The following P4HA1 variants were observed in gnomAD, a reference collection of about 807,000 sequenced individuals.
The protein encoded by P4HA1 is prolyl 4-hydroxylase subunit alpha-1.
In P4HA1, 24 loss-of-function variants were observed where a neutral mutation model predicts 72.8. The ratio of observed to expected loss-of-function variants is 0.33; its 90% confidence interval spans 0.24 to 0.46. The LOEUF is 0.46. Among genes scored for constraint, P4HA1 ranks in the 20% least tolerant of loss-of-function variants. The probability of loss-of-function intolerance (pLI) is 1.00; values close to 1 mark genes in which losing one functional copy is unlikely to be tolerated. For missense variants in P4HA1, 446 were observed against 640.6 expected (o/e 0.70, Z 3.28); for synonymous variants, 201 against 218.8 (o/e 0.92, Z 0.72).
chr10:73,069,816 T>G (rs545226537), intron 4 of P4HA1, among the ~76,000 whole-genome samples: 12 of 151,822 alleles, frequency 7.9e-5, no homozygotes, highest in East Asian at 3.9e-4. Context: ...GTTTTGTTTT[T>G]TTTTTTTTGA....
chr10:73,081,173 T>C (rs1321539497), intron 1 of P4HA1, among the ~76,000 whole-genome samples: 1 of 152,100 alleles, frequency 6.6e-6, no homozygotes, highest in Admixed American at 6.6e-5. Context: ...AAAGAAAGAC[T>C]AATCTCAGAT....
At chr10:73,081,810 G>A (rs546151917) in intron 1 of P4HA1, among the ~76,000 whole-genome samples, 64 of 152,276 alleles carry the variant, frequency 4.2e-4, no homozygotes, top group Admixed American at 1.2e-3. Context: ...GGAGGCTGGC[G>A]GATCACGAGG....
chr10:73,009,095 G>A (rs1839855921), intron 14 of P4HA1, among the ~76,000 whole-genome samples: 1 of 152,080 alleles, frequency 6.6e-6, no homozygotes, highest in Non-Finnish European at 1.5e-5. Context: ...TTCTAGTCCA[G>A]TGGTTCTTAA....
At chr10:73,037,548 TATATATATATATATATATATA>T (rs1444386065) in intron 9 of P4HA1, among the ~76,000 whole-genome samples, 4 of 28,836 alleles carry the variant, frequency 1.4e-4, no homozygotes, top group Non-Finnish European at 2.5e-4. Context: ...TATATATATA[TATATATATATATATATATATA>T]TATTTTTTTT....
At chr10:73,011,453 C>A (rs1443773562) in intron 12 of P4HA1, among the ~76,000 whole-genome samples, 1 of 151,930 alleles carries the variant, frequency 6.6e-6, no homozygotes, top group Non-Finnish European at 1.5e-5. Flanking sequence ...ATGTCTAGAA[C>A]AATAGTACCT....
intron 10 of P4HA1, among the ~76,000 whole-genome samples, chr10:73,028,937 T>C (rs1840365433): frequency 6.6e-6 from 1 of 151,392 alleles, no homozygotes; most frequent in Non-Finnish European, 1.5e-5. Context: ...CCCAGCTACC[T>C]GGGAGGCTGA....
chr10:73,094,355 C>T (rs938367887), intron 1 of P4HA1, among the ~76,000 whole-genome samples: 2 of 152,080 alleles, frequency 1.3e-5, no homozygotes, highest in African/African-American at 4.8e-5. Context: ...ACATCTCTTA[C>T]TTTTTAGGGG....
intron 1 of P4HA1, among the ~76,000 whole-genome samples, chr10:73,079,795 A>G (rs1240879801): frequency 6.6e-6 from 1 of 152,110 alleles, no homozygotes; most frequent in Non-Finnish European, 1.5e-5. Context: ...GATACTTTGA[A>G]AGCAACCCTA....
At position 73,009,892 on chromosome 10, in the gene P4HA1, A is replaced by G; in HGVS notation, c.1449T>C (p.Val483=). Residue 483 remains valine (V), a synonymous_variant, in exon 14 of 15, where the codon GTT becomes GTC. Transcript: ENST00000394890. ...CACTGGCAAACAGATTATACCAGAA[A>G]ACAGCAGTTCCCTATGGAGAACAAT... ...ASVWPKKGTA[V]FWYNLFASGE... 2 of 1,595,090 alleles carry G rather than the reference A, an allele frequency of 1.3e-6. No homozygotes were observed. Among genetic ancestry groups the G allele is most frequent in the Non-Finnish European group, 1.7e-6 (2 of 1,162,672 alleles).
chr10:73,017,168 GATGTATATATAGATATCT>G (rs1840025008), intron 10 of P4HA1, among the ~76,000 whole-genome samples: 1 of 133,512 alleles, frequency 7.5e-6, no homozygotes, highest in Admixed American at 7.0e-5. Context: ...TATATCTACA[GATGTATATATAGATATCT>G]ATATCTACAG....
intron 9 of P4HA1, among the ~76,000 whole-genome samples, chr10:73,031,958 GTC>G (rs1207234666): frequency 6.6e-6 from 1 of 152,048 alleles, no homozygotes; most frequent in African/African-American, 2.4e-5. Flanking sequence ...AAACTCAACT[GTC>G]TGGCAAAAAC....
intron 5 of P4HA1, among the ~76,000 whole-genome samples, chr10:73,067,693 C>G (rs1407444509): frequency 6.6e-6 from 1 of 152,182 alleles, no homozygotes; most frequent in Non-Finnish European, 1.5e-5. Context: ...CCCTCTCCCC[C>G]ATTTTTCTGG....
At chr10:73,053,178 C>T (rs746404043) in intron 6 of P4HA1, among the ~76,000 whole-genome samples, 173 bp downstream of exon 6, 9 of 152,214 alleles carry the variant, frequency 5.9e-5, no homozygotes, top group Middle Eastern at 3.4e-3. Context: ...TGAGAAAAAT[C>T]AGCCATCATT....
At chr10:73,057,555 G>A (rs537162232) in intron 5 of P4HA1, among the ~76,000 whole-genome samples, 5 of 152,106 alleles carry the variant, frequency 3.3e-5, no homozygotes, top group African/African-American at 1.2e-4. Context: ...TGTCTACTTG[G>A]AATTCTAGAA....
At chr10:73,091,139 T>A (rs1228415784) in intron 1 of P4HA1, among the ~76,000 whole-genome samples, 4 of 150,778 alleles carry the variant, frequency 2.7e-5, no homozygotes, top group Non-Finnish European at 5.9e-5. Context: ...ATGTAACCTT[T>A]GACTATGAAT....
intron 9 of P4HA1, among the ~76,000 whole-genome samples, chr10:73,037,553 ATATATATATATATATATATTT>A (rs1221984211): frequency 9.3e-5 from 3 of 32,196 alleles, no homozygotes; most frequent in East Asian, 1.1e-3. Context: ...ATATATATAT[ATATATATATATATATATATTT>A]TTTTTTTTTT....
At chr10:73,048,910 G>A (rs994870713) in intron 7 of P4HA1, among the ~76,000 whole-genome samples, 3 of 152,066 alleles carry the variant, frequency 2.0e-5, no homozygotes, top group South Asian at 2.1e-4. Flanking sequence ...CGAGGCAGGC[G>A]GATCACGAGG....
chr10:73,091,517 C>A (rs983808338), intron 1 of P4HA1, among the ~76,000 whole-genome samples: 2 of 152,130 alleles, frequency 1.3e-5, no homozygotes, highest in African/African-American at 4.8e-5. Flanking sequence ...ATATGCAAAT[C>A]TAGTTAATAT....
At chr10:73,043,805 A>G (rs1840791098) in intron 9 of P4HA1, 1 of 1,021,096 alleles carries the variant, frequency 9.8e-7, no homozygotes, top group Non-Finnish European at 1.5e-6. Context: ...CTTAGAAACT[A>G]TATCATGAGT....
Sources: gnomAD v4.1 joint callset for allele counts (sites outside exome capture counted in the v4.1 genomes callset) on GRCh38, gnomAD v4.1.1 for gene constraint, MANE v1.5 for transcripts, NCBI Gene and HGNC (gene_info 2026-07-23, HGNC 2026-07-21) for gene names.